The following GOLGA2 variants were observed in gnomAD, a reference collection of about 807,000 sequenced individuals.
GOLGA2 encodes golgin A2, also known as golgin subfamily A member 2.
Under a neutral mutation model 148.8 loss-of-function variants are expected in GOLGA2, and 49 were observed. The ratio of observed to expected loss-of-function variants is 0.33; its 90% CI spans 0.26 to 0.42. GOLGA2 has a LOEUF of 0.42. GOLGA2 is among the 10% of genes least tolerant of loss of function. GOLGA2 has a pLI of 1.00. For synonymous variants in GOLGA2, 501 were observed against 511.8 expected, an observed-to-expected ratio of 0.98 and a Z score of 0.28; for missense variants, 1,178 against 1,304.6, an observed-to-expected ratio of 0.90 and a Z score of 1.49.
intron 6 of GOLGA2, 49 bp from the exon 7 acceptor site, chr9:128,267,566 T>A: frequency 7.2e-7 from 1 of 1,397,094 alleles, no homozygotes; most frequent in Non-Finnish European, 1.0e-6. Flanking sequence ...CCTCAGTGTC[T>A]AAGCCCTCTA....
chr9:128,266,027 G>T lies in GOLGA2; in HGVS notation c.682-7C>A, dbSNP rs200171434. 7 of 1,610,634 alleles carry T rather than the reference G, an allele frequency of 4.3e-6. No homozygotes were observed. Among genetic ancestry groups the T allele is most frequent in the South Asian group, 1.1e-5 (1 of 91,006 alleles). ...GGTGGCATTCTTTCTTTTCCTATAG[G>T]AAGAGGAAGACAGAGCTCTTACGAG... On this transcript the variant is annotated splice_polypyrimidine_tract_variant and splice_region_variant and intron_variant, in intron 9 of 26. Coordinates refer to ENST00000611957, the MANE Select transcript of GOLGA2 (RefSeq NM_001366244.2). This position sits in a 1 kb window ranked among gnomAD's most constrained non-coding sequence, Gnocchi z 4.2.
In GOLGA2 at chr9:128,257,343, C is replaced by G; in HGVS notation, c.2875+26G>C. On this transcript the variant is annotated intron_variant, in intron 26 of 26. Transcript: ENST00000611957. This position sits in a 1 kb window ranked among gnomAD's most constrained non-coding sequence, Gnocchi z 8.0. Reference sequence around the variant, plus strand: ...CGAGCCCTCCCTTACTCCTGCCTGCCCACCCCTCCCGAGGGCTCTACTCAC... The same window carrying G: ...CGAGCCCTCCCTTACTCCTGCCTGCGCACCCCTCCCGAGGGCTCTACTCAC... 1.2e-6 allele frequency: 2 copies of G among 1,613,022 alleles called. No homozygotes were observed. Among genetic ancestry groups the G allele is most frequent in the Non-Finnish European group, 1.7e-6 (2 of 1,179,906 alleles).
intron 8 of GOLGA2, 30 bp downstream of exon 8, chr9:128,267,164 T>C (rs745998947): frequency 1.5e-6 from 2 of 1,326,758 alleles, no homozygotes; most frequent in East Asian, 4.6e-5. Context: ...ATTAGCAGCA[T>C]GGAATCAGGG....
chr9:128,265,231 T>C (rs1190489037), intron 12 of GOLGA2, among the ~76,000 whole-genome samples: 1 of 151,872 alleles, frequency 6.6e-6, no homozygotes, highest in African/African-American at 2.4e-5. Context: ...ACACACACGT[T>C]CCCTCTCTCT....
chr9:128,270,116 TCA>T (rs147643377), intron 3 of GOLGA2, among the ~76,000 whole-genome samples: 5,343 of 148,394 alleles, frequency 0.036, 339 homozygotes, highest in African/African-American at 0.13. Flanking sequence ...ACAAGAATGC[TCA>T]GAGGAAGGGA....
In GOLGA2 at chr9:128,273,857, G is replaced by A; in HGVS notation, c.200C>T (p.Pro67Leu). Residue 67 changes from proline to leucine, a missense_variant, in exon 2 of 27, where the codon CCT becomes CTT. Transcript: ENST00000611957. Reference protein sequence around the residue: ...ETTTSGGCHSPEDIQDILKVL... With the variant: ...ETTTSGGCHSLEDIQDILKVL... ...TGGCCATCCAAGACTCACATCCTCAGGTGAGTGGCAACCACCAGAAGTGGT... is the reference window on the plus strand; with the variant it reads ...TGGCCATCCAAGACTCACATCCTCAAGTGAGTGGCAACCACCAGAAGTGGT... 6.2e-7 allele frequency: 1 copy of A among 1,613,970 alleles called. No homozygotes were observed. The highest frequency in any genetic ancestry group is 8.5e-7 in the Non-Finnish European group (1 of 1,179,914).
chr9:128,259,277 G>A lies in GOLGA2; in HGVS notation c.1987C>T (p.Leu663=). Residue 663 remains leucine, a synonymous_variant, in exon 20 of 27, where the codon CTG becomes TTG. Transcript: ENST00000611957. ...YQQLTSEKEV[L]HNQLLLQTQL... ...GTCTGCAGCAGTAGCTGATTATGCA[G>A]CACCTCCTTCTCAGAGGTCAGCTGC... The A allele has an allele frequency of 6.2e-7, 1 of 1,611,894 alleles. No homozygotes were observed. Among genetic ancestry groups the A allele is most frequent in the Non-Finnish European group, 8.5e-7 (1 of 1,179,264 alleles).
In GOLGA2 at chr9:128,261,042, C is replaced by T. The variant is rs1564364114; in HGVS notation, c.1420+130G>A. 3.9e-6 allele frequency: 3 copies of T among 765,308 alleles called. No individual in the cohort carries two copies. Among genetic ancestry groups the T allele is most frequent in the Non-Finnish European group, 6.9e-6 (3 of 431,828 alleles). 47.4% of individuals were successfully genotyped at this position (765,308 alleles called of 1,614,324 possible). ...TCATGGAGATGACGAGACTTGCCAT[C>T]TCCTGGCACAGACCTCTTTCCCTCT... is the stretch of plus-strand genomic sequence containing the variant. On this transcript the variant is annotated intron_variant, in intron 17 of 26. Transcript: ENST00000611957. This position sits in a 1 kb window ranked among gnomAD's most constrained non-coding sequence, Gnocchi z 5.7.
intron 3 of GOLGA2, among the ~76,000 whole-genome samples, chr9:128,270,537 A>T (rs186964894): frequency 9.3e-4 from 141 of 152,256 alleles, no homozygotes; most frequent in African/African-American, 3.2e-3. Flanking sequence ...TGGAGTTTTT[A>T]AAAAAGCCTA....
rs1410201439 is a variant in GOLGA2, at chr9:128,256,169, G to C, written c.*898C>G. 1 of 152,664 alleles carries C rather than the reference G, an allele frequency of 6.6e-6. No individual in the cohort carries two copies. The highest frequency in any genetic ancestry group is 1.5e-5 in the Non-Finnish European group (1 of 68,078). The allele number at this position is 152,664 out of a possible 1,614,324, so 9.5% of individuals were successfully genotyped here. ...GCTGCCTCTCTGTGTAAGAAGATGG[G>C]AGCCCCCCTGAGGGAAAAATTGCTT... On this transcript the variant is annotated 3_prime_UTR_variant, in exon 27 of 27. Transcript: ENST00000611957.
chr9:128,258,693 T>C lies in GOLGA2; in HGVS notation c.2174-123A>G, dbSNP rs1160651389. ...TCCCCAGAGGGAAATAAGCATCTGT[T>C]CTTTATTTTTATTTTATTCTTTTTT... On this transcript the variant is annotated intron_variant, in intron 21 of 26. Transcript: ENST00000611957. This position sits in a 1 kb window ranked among gnomAD's most constrained non-coding sequence, Gnocchi z 6.6. 7 of 701,798 alleles carry C rather than the reference T, an allele frequency of 1.0e-5. No individual in the cohort carries two copies. Among genetic ancestry groups the C allele is most frequent in the Non-Finnish European group, 1.4e-5 (6 of 423,228 alleles). The allele number at this position is 701,798 out of a possible 1,614,324, so 43.5% of individuals were successfully genotyped here.
intron 1 of GOLGA2, among the ~76,000 whole-genome samples, chr9:128,274,569 T>C (rs141548210): frequency 1.3e-5 from 2 of 152,304 alleles, no homozygotes; most frequent in East Asian, 3.9e-4. Flanking sequence ...CTGTACACTG[T>C]GTGGTTTAGA....
chr9:128,274,270 A>G (rs1831161197), intron 1 of GOLGA2, among the ~76,000 whole-genome samples: 1 of 152,224 alleles, frequency 6.6e-6, no homozygotes, highest in African/African-American at 2.4e-5. Context: ...CTCATCCCAG[A>G]AACGGGATGA....
In GOLGA2 at chr9:128,267,323, G is replaced by T. The variant is rs769054683; in HGVS notation, c.562-49C>A. On this transcript the variant is annotated intron_variant, in intron 7 of 26. Coordinates refer to ENST00000611957, the MANE Select transcript of GOLGA2 (RefSeq NM_001366244.2). ...AGTTGGAGGAGGATTGGGGGGAGAG[G>T]TAGAGAGAGCAATCATTAGGGTTGG... 34 of 1,432,932 alleles carry T rather than the reference G, an allele frequency of 2.4e-5. 2 individuals carry two copies. The South Asian group carries it at 3.9e-4, about 16-fold the overall frequency. The allele number at this position is 1,432,932 out of a possible 1,614,324, so 88.8% of individuals were successfully genotyped here. A position where few individuals can be genotyped will look rare whatever the true frequency, so the allele number is the denominator to read the frequency against.
chr9:128,264,978 T>G (rs1345225494), intron 12 of GOLGA2, among the ~76,000 whole-genome samples: 1 of 152,176 alleles, frequency 6.6e-6, no homozygotes, highest in Non-Finnish European at 1.5e-5. Flanking sequence ...GAGCTCGGAT[T>G]TGAACACCCA....
At position 128,258,593 on chromosome 9, in the gene GOLGA2, C is replaced by T; in HGVS notation, c.2174-23G>A. 2 of 1,528,872 alleles carry T rather than the reference C, an allele frequency of 1.3e-6. No individual in the cohort carries two copies. The highest frequency in any genetic ancestry group is 1.8e-6 in the Non-Finnish European group (2 of 1,129,796). 94.7% of individuals were successfully genotyped at this position (1,528,872 alleles called of 1,614,324 possible). Reference sequence around the variant, plus strand: ...CTCCTATGGGGGTGGCCAGAGGGGTCATCAGACAACCCAACAAGGGTACAG... The same window carrying T: ...CTCCTATGGGGGTGGCCAGAGGGGTTATCAGACAACCCAACAAGGGTACAG... On this transcript the variant is annotated intron_variant, in intron 21 of 26. Transcript: ENST00000611957. This position sits in a 1 kb window ranked among gnomAD's most constrained non-coding sequence, Gnocchi z 6.6.
At chr9:128,265,724 G>C (rs1250031888) in intron 11 of GOLGA2, 33 bp from the exon 12 acceptor site, 6 of 1,611,138 alleles carry the variant, frequency 3.7e-6, no homozygotes, top group Non-Finnish European at 5.1e-6. Context: ...GGGGCCCAAA[G>C]GACTCCCCCT....
Position 128,262,627 on chromosome 9 carries a change from C to G in GOLGA2, c.1070G>C (p.Gly357Ala), listed in dbSNP as rs766976458. ...CAATTCTTCCAAGTTAAGCTGCATG[C>G]CAGCCTTCTCAGTCACTAGGACCCG... ...KLRVLVTEKAGMQLNLEELQK... is the reference protein window; with the variant it reads ...KLRVLVTEKAAMQLNLEELQK... Residue 357 changes from glycine (G) to alanine (A), a missense_variant, in exon 14 of 27, where the codon GGC (glycine) becomes GCC (alanine). Around this residue, in one of 5 missense-constraint regions of GOLGA2, gnomAD observed 304 missense variants for 404.1 expected, o/e 0.75. Coordinates refer to ENST00000611957, the MANE Select transcript of GOLGA2 (RefSeq NM_001366244.2). The G allele has an allele frequency of 1.5e-5, 24 of 1,613,744 alleles. No individual in the cohort carries two copies. Among genetic ancestry groups the G allele is most frequent in the Non-Finnish European group, 2.0e-5 (24 of 1,179,622 alleles).
chr9:128,273,682 A>T, intron 2 of GOLGA2, 168 bp downstream of exon 2: 1 of 793,060 alleles, frequency 1.3e-6, no homozygotes, highest in South Asian at 1.9e-5. Context: ...AGAGAGGCCC[A>T]AAAAGCTCAA....
Sources: allele counts gnomAD v4.1 joint callset (sites outside exome capture counted in the v4.1 genomes callset), GRCh38; gene constraint gnomAD v4.1.1; regional missense constraint gnomAD v4.1.1; non-coding constraint Gnocchi (gnomAD v3.1); transcripts MANE v1.5; gene names NCBI Gene and HGNC (gene_info 2026-07-23, HGNC 2026-07-21).